Variants in ADARB1 observed in about 807,000 individuals in gnomAD.
ADARB1 encodes double-stranded RNA-specific editase 1.
Under a neutral mutation model 52.4 loss-of-function variants are expected in ADARB1, and 10 were observed. That is an observed-to-expected ratio of 0.19 (90% CI 0.12 to 0.32). The LOEUF is 0.32. Ranked by LOEUF, ADARB1 falls within the 10% of genes least tolerant of loss-of-function variation. ADARB1 has a pLI of 1.00. For synonymous variants in ADARB1, 349 were observed against 371.1 expected (o/e 0.94, Z 0.68); for missense variants, 643 against 922.3 (o/e 0.70, Z 3.92).
Position 45,194,942 on chromosome 21 carries a change from C to T in ADARB1, c.1566-9613C>T, listed in dbSNP as rs150276576. Among the ~76,000 whole-genome samples, 22 of 152,206 alleles carry T rather than the reference C, an allele frequency of 1.4e-4. No individual in the cohort carries two copies. The East Asian group carries it at 4.1e-3, about 28-fold the overall frequency. On this transcript the variant is annotated intron_variant, in intron 8 of 10. Transcript: ENST00000348831. ...TCCTTTGGGTAAGTACCAAGGAGCA[C>T]GAATGCTGGGTAGTATGGTGAGGAT...
intron 1 of ADARB1, among the ~76,000 whole-genome samples, chr21:45,088,069 T>C (rs2086415899): frequency 6.6e-6 from 1 of 152,078 alleles, no homozygotes; most frequent in African/African-American, 2.4e-5. Flanking sequence ...TGCTGTTGGA[T>C]TGGGATAGGT....
At chr21:45,191,804 T>C (rs2092289297) in intron 8 of ADARB1, among the ~76,000 whole-genome samples, 1 of 148,560 alleles carries the variant, frequency 6.7e-6, no homozygotes, top group Admixed American at 6.7e-5. Context: ...AAGTCTCTTC[T>C]GTGAGACAGC....
chr21:45,130,725 A>G (rs902478988), intron 2 of ADARB1, among the ~76,000 whole-genome samples: 7 of 152,168 alleles, frequency 4.6e-5, no homozygotes, highest in Admixed American at 1.3e-4. Flanking sequence ...GTGTAGCCAC[A>G]GGTCGCACTG....
At chr21:45,134,079 G>GGT (rs2089171667) in intron 2 of ADARB1, among the ~76,000 whole-genome samples, 2 of 104,446 alleles carry the variant, frequency 1.9e-5, no homozygotes, top group East Asian at 3.1e-4. Flanking sequence ...GCGCCCGCCG[G>GGT]GTGTGTGCCC....
In ADARB1 at chr21:45,176,906, C is replaced by T. The variant is rs2146160354; in HGVS notation, c.963+242C>T. ...TGCAAGGCAGGGACACCTGAGACCC[C>T]GTCCACCAGAGCAGTGTTTACAACA... On this transcript the variant is annotated intron_variant, in intron 4 of 10. Coordinates refer to ENST00000348831, the MANE Select transcript of ADARB1 (RefSeq NM_001112.4). This position sits in a 1 kb window ranked among gnomAD's most constrained non-coding sequence, Gnocchi z 5.8. Among the ~76,000 whole-genome samples, 1 of 152,252 alleles carries T rather than the reference C, an allele frequency of 6.6e-6. No homozygotes were observed. Among genetic ancestry groups the T allele is most frequent in the South Asian group, 2.1e-4 (1 of 4,818 alleles).
intron 8 of ADARB1, among the ~76,000 whole-genome samples, chr21:45,202,265 A>G (rs2092571391): frequency 6.6e-6 from 1 of 152,092 alleles, no homozygotes; most frequent in Admixed American, 6.6e-5. Context: ...TCTCTTCCAA[A>G]AGTGGATCCC....
chr21:45,082,052 G>T (rs910153902), intron 1 of ADARB1, among the ~76,000 whole-genome samples: 1 of 152,214 alleles, frequency 6.6e-6, no homozygotes, highest in Non-Finnish European at 1.5e-5. Flanking sequence ...AATAGATCAG[G>T]TCTTGGAGAC....
At chr21:45,118,327 G>A (rs2087941697) in intron 1 of ADARB1, among the ~76,000 whole-genome samples, 1 of 152,002 alleles carries the variant, frequency 6.6e-6, no homozygotes, top group Admixed American at 6.6e-5. Flanking sequence ...CTTCCTTATA[G>A]AATGGATGGC....
intron 8 of ADARB1, among the ~76,000 whole-genome samples, chr21:45,203,617 T>C (rs919995092): frequency 2.6e-5 from 4 of 152,162 alleles, no homozygotes; most frequent in African/African-American, 4.8e-5. Context: ...GAGCTGATAA[T>C]GAATACCTAA....
At chr21:45,161,691 G>A (rs2090979408) in intron 2 of ADARB1, among the ~76,000 whole-genome samples, 1 of 152,202 alleles carries the variant, frequency 6.6e-6, no homozygotes, top group African/African-American at 2.4e-5. Flanking sequence ...AGGGTCCCTG[G>A]TGAAACTCCA....
intron 1 of ADARB1, among the ~76,000 whole-genome samples, chr21:45,087,456 G>A (rs1246086939): frequency 1.3e-5 from 2 of 152,138 alleles, no homozygotes; most frequent in East Asian, 3.8e-4. Flanking sequence ...GAAGACACAC[G>A]CTCCCTGCAC....
At chr21:45,219,283 T>G (rs1043842216) in intron 9 of ADARB1, among the ~76,000 whole-genome samples, 1 of 152,162 alleles carries the variant, frequency 6.6e-6, no homozygotes, top group Non-Finnish European at 1.5e-5. Context: ...CCCAACACTT[T>G]GGGAGGCCGA....
intron 3 of ADARB1, among the ~76,000 whole-genome samples, chr21:45,173,359 G>T (rs773193551): frequency 1.3e-5 from 2 of 152,132 alleles, no homozygotes; most frequent in Non-Finnish European, 2.9e-5. Flanking sequence ...TGTGAAAGTG[G>T]CATCTTTCTC....
At chr21:45,189,887 A>G (rs1458338688) in intron 8 of ADARB1, among the ~76,000 whole-genome samples, 1 of 152,128 alleles carries the variant, frequency 6.6e-6, no homozygotes, top group Non-Finnish European at 1.5e-5. Flanking sequence ...CTCTGTCTTC[A>G]CTTTAGACAG....
chr21:45,114,280 C>T lies in ADARB1; in HGVS notation c.-219-14122C>T, dbSNP rs114593496. 9.0e-3 allele frequency among the ~76,000 whole-genome samples: 1,366 copies of T among 152,306 alleles called. 24 individuals carry two copies. The highest frequency in any genetic ancestry group is 0.032 in the African/African-American group (1,310 of 41,566). ...GCTTATCAGCTGTGTCAAGTCAGGA[C>T]ACATGTATCCCCATTCACATTGCTG... On this transcript the variant is annotated intron_variant, in intron 1 of 10. Transcript: ENST00000348831.
chr21:45,163,491 G>C (rs9680376), intron 2 of ADARB1, among the ~76,000 whole-genome samples: 1 of 151,878 alleles, frequency 6.6e-6, no homozygotes, highest in African/African-American at 2.4e-5. Context: ...GGGAGTGAGC[G>C]GGGAGGGGCA....
At chr21:45,109,250 T>C (rs1379765426) in intron 1 of ADARB1, among the ~76,000 whole-genome samples, 1 of 112,278 alleles carries the variant, frequency 8.9e-6, no homozygotes, top group African/African-American at 3.4e-5. Flanking sequence ...TGTGCGCGCG[T>C]GTGCGTATGT....
chr21:45,217,488 G>A (rs867420699), intron 9 of ADARB1, among the ~76,000 whole-genome samples: 2 of 151,896 alleles, frequency 1.3e-5, no homozygotes, highest in African/African-American at 4.8e-5. Flanking sequence ...GGATACTTTC[G>A]TTTTTCCATT....
chr21:45,204,358 A>G lies in ADARB1; in HGVS notation c.1566-197A>G, dbSNP rs929806746. The stretch of plus-strand genomic sequence containing the variant: ...ATGGTAAAAACAAACACAGTGTAAA[A>G]TAACTTTTAAGTAGATTTTTGTCTT... On this transcript the variant is annotated intron_variant, in intron 8 of 10. Transcript: ENST00000348831. This position sits in a 1 kb window ranked among gnomAD's most constrained non-coding sequence, Gnocchi z 4.4. Among the ~76,000 whole-genome samples, 1 of 152,254 alleles carries G rather than the reference A, an allele frequency of 6.6e-6. No homozygotes were observed. Among genetic ancestry groups the G allele is most frequent in the African/African-American group, 2.4e-5 (1 of 41,454 alleles).
Sources: allele counts gnomAD v4.1 joint callset (sites outside exome capture counted in the v4.1 genomes callset), GRCh38; gene constraint gnomAD v4.1.1; non-coding constraint Gnocchi (gnomAD v3.1); transcripts MANE v1.5; gene names NCBI Gene and HGNC (gene_info 2026-07-23, HGNC 2026-07-21).